ILRUN: variants seen among roughly 807,000 people sequenced by gnomAD.
ILRUN encodes inflammation and lipid regulator with UBA-like and NBR1-like domains, also known as protein ILRUN.
Under a neutral mutation model 33.8 loss-of-function variants are expected in ILRUN, and 3 were observed. The ratio of observed to expected loss-of-function variants is 0.09; its 90% CI spans 0.04 to 0.23. The LOEUF (loss-of-function observed/expected upper bound fraction) is 0.23, where lower values mean the gene tolerates loss of function less well. Ranked by LOEUF, ILRUN falls within the 10% of genes least tolerant of loss-of-function variation. The probability of loss-of-function intolerance (pLI) is 1.00; values close to 1 mark genes in which losing one functional copy is unlikely to be tolerated. For synonymous variants in ILRUN, 124 were observed against 138.9 expected (o/e 0.89, Z 0.75); for missense variants, 210 against 375.1 (o/e 0.56, Z 3.64).
chr6:34,687,714 T>A (rs1237066829), intron 1 of ILRUN, among the ~76,000 whole-genome samples: 9 of 137,798 alleles, frequency 6.5e-5, no homozygotes, highest in African/African-American at 1.2e-4. Flanking sequence ...AAAAAATATA[T>A]ATATATATAT....
Position 34,691,709 on chromosome 6 carries a change from T to G in ILRUN, c.158+4737A>C, listed in dbSNP as rs1167889963. Among the ~76,000 whole-genome samples the G allele has an allele frequency of 2.0e-5, 3 of 151,488 alleles. No individual in the cohort carries two copies. The South Asian group carries it at 6.2e-4, about 32-fold the overall frequency. ...TACTCGGGAGGCTGAGGCAGGAGAA[T>G]CTCTTGAACCCGGGAGGCAGAGGTT... On this transcript the variant is annotated intron_variant, in intron 1 of 4. Coordinates refer to ENST00000374023, the MANE Select transcript of ILRUN (RefSeq NM_024294.4).
At chr6:34,684,657 C>T (rs987928091) in intron 1 of ILRUN, among the ~76,000 whole-genome samples, 2 of 152,090 alleles carry the variant, frequency 1.3e-5, no homozygotes, top group African/African-American at 4.8e-5. Flanking sequence ...AAGAAGAGTA[C>T]ACTGCTAAGA....
At chr6:34,695,175 C>CA (rs1175724598) in intron 1 of ILRUN, among the ~76,000 whole-genome samples, 1 of 152,072 alleles carries the variant, frequency 6.6e-6, no homozygotes, top group Non-Finnish European at 1.5e-5. Context: ...AGTAGGCTTA[C>CA]AGCCTCTTTT....
chr6:34,623,524 A>G (rs551958539), intron 3 of ILRUN, among the ~76,000 whole-genome samples: 77 of 152,330 alleles, frequency 5.1e-4, no homozygotes, highest in African/African-American at 1.5e-3. Context: ...AGCCTACGAA[A>G]AAAAGCATAA....
intron 1 of ILRUN, among the ~76,000 whole-genome samples, chr6:34,671,096 T>C (rs1285002821): frequency 6.6e-6 from 1 of 152,076 alleles, no homozygotes; most frequent in Non-Finnish European, 1.5e-5. Flanking sequence ...GCATATTCAA[T>C]ATAGAAAAAT....
chr6:34,601,245 G>A (rs971053943), intron 4 of ILRUN, among the ~76,000 whole-genome samples: 4 of 152,276 alleles, frequency 2.6e-5, no homozygotes, highest in South Asian at 2.1e-4. Context: ...AGTGCCTGGC[G>A]CATAACTGCT....
intron 1 of ILRUN, among the ~76,000 whole-genome samples, chr6:34,665,368 C>A (rs1483783029): frequency 6.6e-6 from 1 of 151,642 alleles, no homozygotes; most frequent in Non-Finnish European, 1.5e-5. Flanking sequence ...GAAGGCCTGA[C>A]CCCATGAGGT....
At chr6:34,612,303 C>T (rs940822639) in intron 3 of ILRUN, among the ~76,000 whole-genome samples, 5 of 152,074 alleles carry the variant, frequency 3.3e-5, no homozygotes, top group East Asian at 1.9e-4. Context: ...TGGTGGCACA[C>T]GCTTGTAGAC....
chr6:34,625,709 C>T (rs529441703), intron 3 of ILRUN, among the ~76,000 whole-genome samples: 1 of 152,282 alleles, frequency 6.6e-6, no homozygotes, highest in African/African-American at 2.4e-5. Flanking sequence ...TACCTTCTCC[C>T]AATCGCCAAA....
chr6:34,663,670 C>T (rs970752078), intron 1 of ILRUN, among the ~76,000 whole-genome samples: 4 of 152,070 alleles, frequency 2.6e-5, no homozygotes, highest in African/African-American at 7.2e-5. Context: ...GCAATTTTAC[C>T]GAGGTATAAT....
chr6:34,598,630 A>G (rs1761449669), intron 4 of ILRUN, among the ~76,000 whole-genome samples: 1 of 152,168 alleles, frequency 6.6e-6, no homozygotes, highest in Non-Finnish European at 1.5e-5. Flanking sequence ...ACCTCAAACA[A>G]TGCTCAGAGC....
chr6:34,605,475 A>G (rs1389423740), intron 4 of ILRUN, among the ~76,000 whole-genome samples: 1 of 149,872 alleles, frequency 6.7e-6, no homozygotes, highest in Non-Finnish European at 1.5e-5. Context: ...TAAAAATACA[A>G]AACATTAGCC....
At chr6:34,680,328 AAT>A (rs1184669330) in intron 1 of ILRUN, among the ~76,000 whole-genome samples, 2 of 152,214 alleles carry the variant, frequency 1.3e-5, no homozygotes, top group African/African-American at 4.8e-5. Flanking sequence ...ACACACACAA[AAT>A]ATGTTATTAG....
At chr6:34,662,670 G>A (rs1762914105) in intron 1 of ILRUN, among the ~76,000 whole-genome samples, 2 of 152,200 alleles carry the variant, frequency 1.3e-5, no homozygotes, top group South Asian at 2.1e-4. Context: ...ATGGAAAGTG[G>A]GTAGTTGTTT....
In ILRUN at chr6:34,606,466, G is replaced by C. The variant is rs571387827; in HGVS notation, c.861+89C>G. 8.5e-5 allele frequency: 87 copies of C among 1,021,654 alleles called. No individual in the cohort carries two copies. The Middle Eastern group carries it at 1.6e-3, about 19-fold the overall frequency. The allele number at this position is 1,021,654 out of a possible 1,614,324, so 63.3% of individuals were successfully genotyped here. A position where few individuals can be genotyped will look rare whatever the true frequency, so the allele number is the denominator to read the frequency against. Reference sequence around the variant, plus strand: ...TCTTAAAGAACCTCCTCTGGGGAGCGGCAGTCTAGGATTCTAGGTTTGCCA... The same window carrying C: ...TCTTAAAGAACCTCCTCTGGGGAGCCGCAGTCTAGGATTCTAGGTTTGCCA... On this transcript the variant is annotated intron_variant, in intron 4 of 4. Coordinates refer to ENST00000374023, the MANE Select transcript of ILRUN (RefSeq NM_024294.4).
intron 3 of ILRUN, among the ~76,000 whole-genome samples, chr6:34,645,012 AG>A (rs764726309): frequency 4.6e-5 from 7 of 152,294 alleles, no homozygotes; most frequent in Non-Finnish European, 7.4e-5. Flanking sequence ...GCTTCATTAC[AG>A]TAGGTACAAA....
At position 34,589,327 on chromosome 6, in the gene ILRUN, C is replaced by A. The variant is rs1190399462; in HGVS notation, c.*1238G>T. 1 of 152,262 alleles carries A rather than the reference C, an allele frequency of 6.6e-6. No individual in the cohort carries two copies. The highest frequency in any genetic ancestry group is 1.5e-5 in the Non-Finnish European group (1 of 68,044). 9.4% of individuals were successfully genotyped at this position (152,262 alleles called of 1,614,324 possible). A position where few individuals can be genotyped will look rare whatever the true frequency, so the allele number is the denominator to read the frequency against. ...GCCCACCTCCCAGCCAATAATCTAG[C>A]ATCCTGGCAGGGAGGCGGGGCTGTG... On this transcript the variant is annotated 3_prime_UTR_variant, in exon 5 of 5. Transcript: ENST00000374023.
chr6:34,651,864 C>T (rs1762679137), intron 2 of ILRUN, among the ~76,000 whole-genome samples: 1 of 143,730 alleles, frequency 7.0e-6, no homozygotes, highest in Admixed American at 7.2e-5. Flanking sequence ...GCGATCTTGG[C>T]TCACTACAAC....
chr6:34,667,042 G>T (rs1763020581), intron 1 of ILRUN, among the ~76,000 whole-genome samples: 1 of 151,250 alleles, frequency 6.6e-6, no homozygotes, highest in Admixed American at 6.6e-5. Flanking sequence ...GAATATACAT[G>T]AAAAAAAACT....
Sources: gnomAD v4.1 joint callset for allele counts (sites outside exome capture counted in the v4.1 genomes callset) on GRCh38, gnomAD v4.1.1 for gene constraint, MANE v1.5 for transcripts, NCBI Gene and HGNC (gene_info 2026-07-23, HGNC 2026-07-21) for gene names.